Variants in SENP2 observed in about 807,000 individuals in gnomAD.
The protein encoded by SENP2 is sentrin-specific protease 2.
Under a neutral mutation model 86.3 loss-of-function variants are expected in SENP2, and 16 were observed. The observed-to-expected ratio is 0.19, with a 90% CI of 0.13 to 0.28. The LOEUF is 0.28. SENP2 is among the 10% of genes least tolerant of loss of function. The probability of loss-of-function intolerance (pLI) is 1.00; values close to 1 mark genes in which losing one functional copy is unlikely to be tolerated. For missense variants in SENP2, 552 were observed against 703.0 expected, an observed-to-expected ratio of 0.79 and a Z score of 2.43; for synonymous variants, 222 against 238.7, an observed-to-expected ratio of 0.93 and a Z score of 0.64.
chr3:185,586,486 G>A lies in SENP2; in HGVS notation c.73G>A (p.Ala25Thr). 1 of 1,613,672 alleles carries A rather than the reference G, an allele frequency of 6.2e-7. No individual in the cohort carries two copies. The highest frequency in any genetic ancestry group is 8.5e-7 in the Non-Finnish European group (1 of 1,179,982). The change falls in exon 1 of 17, where the codon GCC becomes ACC. Residue 25 changes from alanine to threonine, a missense_variant. This residue lies in a region of SENP2 where 383 missense variants were observed against 427.3 expected (regional missense o/e 0.90). Transcript: ENST00000296257. This position sits in a 1 kb window ranked among gnomAD's most constrained non-coding sequence, Gnocchi z 4.3. ...FCDRSVPPAR[A>T]LLKRRRSDST... ...CGACCGGTCGGTGCCCCCTGCCCGG[G>A]CCCTCCTGAAGAGGCGGCGCTCAGA...
rs1235293831 is a variant in SENP2, at chr3:185,632,268, CTT to C, written c.*2425_*2426del. 1 of 115,688 alleles carries C rather than the reference CTT, an allele frequency of 8.6e-6. No individual in the cohort carries two copies. The highest frequency in any genetic ancestry group is 3.3e-5 in the African/African-American group (1 of 30,030). The allele number at this position is 115,688 out of a possible 1,614,324, so 7.2% of individuals were successfully genotyped here. A position where few individuals can be genotyped will look rare whatever the true frequency, so the allele number is the denominator to read the frequency against. On this transcript the variant is annotated 3_prime_UTR_variant, in exon 17 of 17. Transcript: ENST00000296257. ...TTTTTTTTTTTTTGCGACAGAGTCT[CTT>C]GTCGCCCAGGCTGGAGTACAATGGT...
At chr3:185,624,696 C>A (rs1273741211) in intron 15 of SENP2, among the ~76,000 whole-genome samples, 1 of 151,898 alleles carries the variant, frequency 6.6e-6, no homozygotes, top group Non-Finnish European at 1.5e-5. Context: ...GCCAACATGA[C>A]AAAACCTTGT....
rs577066642 is a variant in SENP2, at chr3:185,630,005, C to T, written c.*161C>T. 1 of 669,968 alleles carries T rather than the reference C, an allele frequency of 1.5e-6. No individual in the cohort carries two copies. Among genetic ancestry groups the T allele is most frequent in the Non-Finnish European group, 2.6e-6 (1 of 381,938 alleles). The allele number at this position is 669,968 out of a possible 1,614,324, so 41.5% of individuals were successfully genotyped here. A position where few individuals can be genotyped will look rare whatever the true frequency, so the allele number is the denominator to read the frequency against. On this transcript the variant is annotated 3_prime_UTR_variant, in exon 17 of 17. Coordinates refer to ENST00000296257, the MANE Select transcript of SENP2 (RefSeq NM_021627.3). ...GCCTCTCACTGTACTCTAGTCCTGA[C>T]TTGGGGTGCAGAGGGCTGCTTGCAA... is the stretch of plus-strand genomic sequence containing the variant.
intron 13 of SENP2, among the ~76,000 whole-genome samples, chr3:185,620,694 C>T (rs1711816240): frequency 6.6e-6 from 1 of 151,988 alleles, no homozygotes; most frequent in African/African-American, 2.4e-5. Context: ...TCCGCCACCT[C>T]AGCCTCCCAA....
At chr3:185,597,576 TC>T (rs1722214995) in intron 2 of SENP2, among the ~76,000 whole-genome samples, 1 of 151,478 alleles carries the variant, frequency 6.6e-6, no homozygotes, top group Non-Finnish European at 1.5e-5. Flanking sequence ...ATGTTCTCGA[TC>T]TCCTGACCTC....
Position 185,586,542 on chromosome 3 carries a change from C to T in SENP2, c.101+28C>T, listed in dbSNP as rs780448196. On this transcript the variant is annotated intron_variant, in intron 1 of 16. Coordinates refer to ENST00000296257, the MANE Select transcript of SENP2 (RefSeq NM_021627.3). This position sits in a 1 kb window ranked among gnomAD's most constrained non-coding sequence, Gnocchi z 4.3. Reference sequence around the variant, plus strand: ...GAGACGAGAGGGGGCTGAGCGCCAGCCTGGCCTTACCCCCTCCCCCACAGC... The same window carrying T: ...GAGACGAGAGGGGGCTGAGCGCCAGTCTGGCCTTACCCCCTCCCCCACAGC... 2.5e-6 allele frequency: 4 copies of T among 1,589,112 alleles called. No homozygotes were observed. The highest frequency in any genetic ancestry group is 3.3e-5 in the Admixed American group (2 of 59,978).
intron 11 of SENP2, among the ~76,000 whole-genome samples, chr3:185,617,055 A>AATGTAATAT (rs1711642072): frequency 6.6e-6 from 1 of 152,208 alleles, no homozygotes; most frequent in Non-Finnish European, 1.5e-5. Flanking sequence ...AATTGAGACT[A>AATGTAATAT]TACTTTAGAT....
intron 2 of SENP2, among the ~76,000 whole-genome samples, chr3:185,592,216 C>G (rs1722033207): frequency 6.6e-6 from 1 of 151,434 alleles, no homozygotes; most frequent in African/African-American, 2.4e-5. Context: ...GTAGCTGGGA[C>G]TATAGGCCCA....
In SENP2 at chr3:185,600,835, C is replaced by A; in HGVS notation, c.429C>A (p.Arg143=). The change falls in exon 5 of 17, where the codon CGC becomes CGA. Residue 143 remains arginine (R), a synonymous_variant. Transcript: ENST00000296257. ...TGACAGTTACCCGAGATCAGCCACG[C>A]AGAGTCCTGCCTTCCTTTGGGTAAG... ...IRVTVTRDQP[R]RVLPSFGFTL... 1.9e-6 allele frequency: 3 copies of A among 1,610,438 alleles called. No homozygotes were observed. Among genetic ancestry groups the A allele is most frequent in the Non-Finnish European group, 2.5e-6 (3 of 1,176,642 alleles).
chr3:185,616,939 T>C (rs1011784672), intron 11 of SENP2, among the ~76,000 whole-genome samples: 1 of 152,198 alleles, frequency 6.6e-6, no homozygotes, highest in Non-Finnish European at 1.5e-5. Flanking sequence ...AATTTTCTTC[T>C]CTATAAAATG....
chr3:185,611,571 G>T, intron 7 of SENP2, 80 bp from the exon 8 acceptor site: 1 of 849,394 alleles, frequency 1.2e-6, no homozygotes, highest in Non-Finnish European at 1.9e-6. Context: ...ATTTGGAGAA[G>T]CTTGCTGGAC....
chr3:185,593,728 CTTT>C (rs76181270), intron 2 of SENP2, among the ~76,000 whole-genome samples: 39,294 of 137,892 alleles, frequency 0.28, 5,335 homozygotes, highest in African/African-American at 0.38. Context: ...GTTTTCATTT[CTTT>C]TTTTTTTTTT....
rs760147145 is a variant in SENP2, at chr3:185,631,090, G to A, written c.*1246G>A. 2 of 151,768 alleles carry A rather than the reference G, an allele frequency of 1.3e-5. No homozygotes were observed. The highest frequency in any genetic ancestry group is 2.9e-5 in the Non-Finnish European group (2 of 68,024). 9.4% of individuals were successfully genotyped at this position (151,768 alleles called of 1,614,324 possible). On this transcript the variant is annotated 3_prime_UTR_variant, in exon 17 of 17. Transcript: ENST00000296257. The stretch of plus-strand genomic sequence containing the variant: ...TGATGTAATAAAAGGTGGTCTGGCA[G>A]AACCTAAAAAAGTATATGCTGAAAT...
At chr3:185,608,434 T>C (rs1276859788) in intron 6 of SENP2, among the ~76,000 whole-genome samples, 1 of 152,178 alleles carries the variant, frequency 6.6e-6, no homozygotes, top group African/African-American at 2.4e-5. Context: ...GTTTTGGGAA[T>C]CACTATGTGT....
intron 1 of SENP2, among the ~76,000 whole-genome samples, chr3:185,588,717 C>G (rs1377027817): frequency 6.6e-6 from 1 of 152,100 alleles, no homozygotes; most frequent in South Asian, 2.1e-4. Flanking sequence ...CATTTGAGAA[C>G]GTGGTGTAAA....
In SENP2 at chr3:185,598,531, G is replaced by A; in HGVS notation, c.277G>A (p.Ala93Thr). 1.2e-6 allele frequency: 2 copies of A among 1,613,988 alleles called. No individual in the cohort carries two copies. Among genetic ancestry groups the A allele is most frequent in the Non-Finnish European group, 8.5e-7 (1 of 1,179,990 alleles). ...TSACNGTRNV[A>T]PSGEVFSNSS... is the part of the protein sequence containing the mutation. ...TGCTTGTAATGGAACACGGAATGTG[G>A]CCCCTTCAGGAGAGGTCAGTGGGGA... Residue 93 changes from alanine (A) to threonine (T), a missense_variant, in exon 3 of 17, where the codon GCC (alanine) becomes ACC (threonine). This residue lies in a region of SENP2 where 383 missense variants were observed against 427.3 expected (regional missense o/e 0.90). Coordinates refer to ENST00000296257, the MANE Select transcript of SENP2 (RefSeq NM_021627.3).
intron 16 of SENP2, among the ~76,000 whole-genome samples, chr3:185,629,061 G>A (rs1577751417): frequency 6.6e-6 from 1 of 152,262 alleles, no homozygotes; most frequent in Non-Finnish European, 1.5e-5. Flanking sequence ...ACAACGCCTG[G>A]TAGAGCAGAA....
rs3087964 is a variant in SENP2 at position 185,630,614 on chromosome 3, C to G, written c.*770C>G. 1 of 152,502 alleles carries G rather than the reference C, an allele frequency of 6.6e-6. No homozygotes were observed. Among genetic ancestry groups the G allele is most frequent in the South Asian group, 2.1e-4 (1 of 4,820 alleles). The allele number at this position is 152,502 out of a possible 1,614,324, so 9.4% of individuals were successfully genotyped here. A position where few individuals can be genotyped will look rare whatever the true frequency, so the allele number is the denominator to read the frequency against. On this transcript the variant is annotated 3_prime_UTR_variant, in exon 17 of 17. Transcript: ENST00000296257. ...TGTGGTCACCTTAAAGAGACTTCCC[C>G]TTCTGGAAATGTGGTGACTTGGCTT... is the stretch of plus-strand genomic sequence containing the variant.
chr3:185,612,767 C>CACAA, intron 9 of SENP2, 109 bp downstream of exon 9: 1 of 774,290 alleles, frequency 1.3e-6, no homozygotes, highest in Non-Finnish European at 2.1e-6. Flanking sequence ...CTCTTGAGTT[C>CACAA]TGGTAGTTGG....
Sources: allele counts gnomAD v4.1 joint callset (sites outside exome capture counted in the v4.1 genomes callset), GRCh38; gene constraint gnomAD v4.1.1; regional missense constraint gnomAD v4.1.1; non-coding constraint Gnocchi (gnomAD v3.1); transcripts MANE v1.5; gene names NCBI Gene and HGNC (gene_info 2026-07-23, HGNC 2026-07-21).